Variants in BBS9 observed in about 807,000 individuals in gnomAD.
BBS9 encodes protein PTHB1.
A neutral mutation model predicts 117.7 loss-of-function variants in BBS9; 89 were observed. The ratio of observed to expected loss-of-function variants is 0.76; its 90% confidence interval spans 0.64 to 0.90. The LOEUF (loss-of-function observed/expected upper bound fraction) is 0.90. Among genes scored for constraint, BBS9 ranks in the 40% least tolerant of loss-of-function variants. The pLI is 0.00. For synonymous variants in BBS9, 379 were observed against 370.9 expected (o/e 1.02, Z -0.25); for missense variants, 982 against 1,042.2 (o/e 0.94, Z 0.80).
At chr7:33,231,229 CCTG>C (rs1221012145) in intron 5 of BBS9, among the ~76,000 whole-genome samples, 6 of 151,962 alleles carry the variant, frequency 3.9e-5, no homozygotes, top group Non-Finnish European at 7.4e-5. Flanking sequence ...GCCATGAACT[CCTG>C]AGGTCATGTG....
Position 33,288,117 on chromosome 7 carries a change from G to T in BBS9, c.1016+14161G>T, listed in dbSNP as rs184121643. Among the ~76,000 whole-genome samples, 100 of 152,266 alleles carry T rather than the reference G, an allele frequency of 6.6e-4. 1 individual carries two copies. In the South Asian group the frequency reaches 0.019, roughly 29 times the overall value. On this transcript the variant is annotated intron_variant, in intron 9 of 22. Transcript: ENST00000242067. Reference sequence around the variant, plus strand: ...TAACTCAAGCTAAGGACCCACATGCGCACTAGGAGGATGGGGTGGAGCTAC... The same window carrying T: ...TAACTCAAGCTAAGGACCCACATGCTCACTAGGAGGATGGGGTGGAGCTAC...
At chr7:33,189,978 TC>T (rs1485365772) in intron 5 of BBS9, among the ~76,000 whole-genome samples, 3 of 151,322 alleles carry the variant, frequency 2.0e-5, no homozygotes, top group Non-Finnish European at 4.4e-5. Flanking sequence ...TGCCTAGGCC[TC>T]CCAAAGTGCT....
chr7:33,350,643 C>T (rs955902533), intron 13 of BBS9, among the ~76,000 whole-genome samples: 14 of 152,176 alleles, frequency 9.2e-5, no homozygotes, highest in South Asian at 2.1e-4. Context: ...GTCTGTTCCT[C>T]GAAGTAAAGA....
chr7:33,411,424 TTG>T (rs1167415979), intron 19 of BBS9, among the ~76,000 whole-genome samples: 1 of 152,190 alleles, frequency 6.6e-6, no homozygotes, highest in African/African-American at 2.4e-5. Context: ...GATGCAATCT[TTG>T]TGTTTTGTGG....
At chr7:33,494,256 A>C (rs762900024) in intron 19 of BBS9, among the ~76,000 whole-genome samples, 3 of 152,146 alleles carry the variant, frequency 2.0e-5, no homozygotes, top group Non-Finnish European at 2.9e-5. Context: ...GATAAACTTC[A>C]TATAGTACCT....
intron 21 of BBS9, among the ~76,000 whole-genome samples, chr7:33,612,217 A>G (rs2129215143): frequency 6.6e-6 from 1 of 152,116 alleles, no homozygotes; most frequent in South Asian, 2.1e-4. Context: ...TCCTTGGGGG[A>G]AAGTATGGTG....
chr7:33,620,443 G>A (rs893462574), intron 21 of BBS9, among the ~76,000 whole-genome samples: 3 of 151,786 alleles, frequency 2.0e-5, no homozygotes, highest in Admixed American at 6.6e-5. Context: ...AAAATCTGTA[G>A]CATTTCTATA....
chr7:33,568,366 C>T (rs1449010174), intron 21 of BBS9, among the ~76,000 whole-genome samples: 1 of 152,148 alleles, frequency 6.6e-6, no homozygotes, highest in Admixed American at 6.5e-5. Context: ...CACTTCCTTC[C>T]TCCCACTTAA....
intron 4 of BBS9, among the ~76,000 whole-genome samples, chr7:33,172,882 A>G (rs1196888206): frequency 1.3e-5 from 2 of 152,260 alleles, no homozygotes; most frequent in Non-Finnish European, 2.9e-5. Context: ...CAACATGGCC[A>G]GAAAGGCACC....
At chr7:33,504,464 C>T (rs530499578) in intron 19 of BBS9, among the ~76,000 whole-genome samples, 2 of 152,184 alleles carry the variant, frequency 1.3e-5, no homozygotes, top group East Asian at 3.9e-4. Context: ...CCCTTTGGGC[C>T]CGTGTCAATA....
chr7:33,315,727 T>C (rs1187873436), intron 9 of BBS9, among the ~76,000 whole-genome samples: 2 of 152,192 alleles, frequency 1.3e-5, no homozygotes, highest in African/African-American at 2.4e-5. Context: ...ATGTATCATC[T>C]TTCTAGGTGT....
At chr7:33,381,142 G>A (rs759671785) in intron 17 of BBS9, among the ~76,000 whole-genome samples, 60 of 152,148 alleles carry the variant, frequency 3.9e-4, no homozygotes, top group Non-Finnish European at 7.8e-4. Flanking sequence ...TTCTTATCAT[G>A]TATTGTGCCC....
At chr7:33,154,895 AC>A (rs1793881121) in intron 3 of BBS9, among the ~76,000 whole-genome samples, 1 of 152,208 alleles carries the variant, frequency 6.6e-6, no homozygotes, top group Non-Finnish European at 1.5e-5. Flanking sequence ...CAAGCCCAGA[AC>A]CAAGTAATAG....
At chr7:33,168,722 T>A (rs1190327254) in intron 4 of BBS9, among the ~76,000 whole-genome samples, 1 of 152,204 alleles carries the variant, frequency 6.6e-6, no homozygotes, top group Admixed American at 6.5e-5. Context: ...ATTTGAAACC[T>A]ATAAGAAACC....
At chr7:33,607,798 G>A (rs191072334), downstream of BBS9, among the ~76,000 whole-genome samples, 640 of 151,090 alleles carry the variant, frequency 4.2e-3, 6 homozygotes, top group African/African-American at 0.015. Context: ...TGTCAGCCAG[G>A]TTTTTAGGAT....
chr7:33,436,152 C>T (rs1347286415), intron 19 of BBS9, among the ~76,000 whole-genome samples: 2 of 152,092 alleles, frequency 1.3e-5, no homozygotes, highest in Non-Finnish European at 2.9e-5. Context: ...TTTGGGCTGC[C>T]CTACTTAAGC....
At chr7:33,321,293 A>G (rs1404155435) in intron 9 of BBS9, among the ~76,000 whole-genome samples, 1 of 151,970 alleles carries the variant, frequency 6.6e-6, no homozygotes, top group South Asian at 2.1e-4. Flanking sequence ...GTATTTTGAT[A>G]GGGATTGAGT....
intron 21 of BBS9, among the ~76,000 whole-genome samples, chr7:33,598,475 A>C (rs1206974105): frequency 6.6e-6 from 1 of 152,178 alleles, no homozygotes; most frequent in Non-Finnish European, 1.5e-5. Context: ...TTAAGTAAAA[A>C]TGAAAAAACC....
chr7:33,623,597 A>G (rs1416779308), intron 21 of BBS9, among the ~76,000 whole-genome samples: 1 of 62 alleles, frequency 0.016, no homozygotes, highest in Non-Finnish European at 0.029. Context: ...TAAAAAAAAG[A>G]AAAACCAAAC....
Sources: gnomAD v4.1 joint callset for allele counts (sites outside exome capture counted in the v4.1 genomes callset) on GRCh38, gnomAD v4.1.1 for gene constraint, MANE v1.5 for transcripts, NCBI Gene and HGNC (gene_info 2026-07-23, HGNC 2026-07-21) for gene names.